TMEM266: variants seen among roughly 807,000 people sequenced by gnomAD.
TMEM266 encodes transmembrane protein 266.
TMEM266 carries 33 observed loss-of-function variants against 50.5 expected under a neutral mutation model. The observed-to-expected ratio is 0.65, with a 90% confidence interval of 0.50 to 0.87. TMEM266 has a LOEUF of 0.87. TMEM266 is among the 40% of genes least tolerant of loss of function. The pLI is 0.00. For synonymous variants in TMEM266, 310 were observed against 292.3 expected (o/e 1.06, Z -0.62); for missense variants, 655 against 695.1 (o/e 0.94, Z 0.65).
intron 7 of TMEM266, among the ~76,000 whole-genome samples, chr15:76,171,537 C>T (rs964084313): frequency 3.3e-5 from 5 of 152,324 alleles, no homozygotes; most frequent in Non-Finnish European, 4.4e-5. Context: ...TGGCTCTATC[C>T]AGGTCATCTA....
At chr15:76,061,085 A>G (rs1456550522) in intron 1 of TMEM266, among the ~76,000 whole-genome samples, 3 of 152,218 alleles carry the variant, frequency 2.0e-5, no homozygotes, top group East Asian at 3.9e-4. Context: ...AATGGGATGT[A>G]TATAACTGCT....
At chr15:76,142,957 A>G (rs1227356883) in intron 3 of TMEM266, among the ~76,000 whole-genome samples, 1 of 152,168 alleles carries the variant, frequency 6.6e-6, no homozygotes, top group East Asian at 1.9e-4. Flanking sequence ...AGTCCTGGTT[A>G]GTCCCAAGGT....
rs534688463 is a variant in TMEM266 at position 76,203,964 on chromosome 15, C to T, written c.1245C>T (p.Arg415=). The T allele has an allele frequency of 5.5e-5, 89 of 1,612,008 alleles. 1 individual carries two copies. The East Asian group carries it at 1.6e-3, about 28-fold the overall frequency. ...CCTCCATGGACTGCAGCACTGCCCG[C>T]GAGGAGCCGTCCTCTGAGCCCGGCC... Residue 415 remains arginine (R), a synonymous_variant, in exon 11 of 11, where the codon CGC becomes CGT. Transcript: ENST00000388942.
At position 76,167,663 on chromosome 15, in the gene TMEM266, G is replaced by A. The variant is rs577303077; in HGVS notation, c.457-2153G>A. 3.3e-5 allele frequency among the ~76,000 whole-genome samples: 5 copies of A among 151,902 alleles called. No individual in the cohort carries two copies. The East Asian group carries it at 7.9e-4, about 24-fold the overall frequency. The stretch of plus-strand genomic sequence containing the variant: ...ATTACAGGTGTGCACCACCACACCC[G>A]GCTAATGATTGTAGTTTTAGTAGAG... On this transcript the variant is annotated intron_variant, in intron 5 of 10. Transcript: ENST00000388942.
intron 1 of TMEM266, among the ~76,000 whole-genome samples, chr15:76,067,609 G>A (rs1309323751): frequency 6.8e-6 from 1 of 146,942 alleles, no homozygotes; most frequent in African/African-American, 2.5e-5. Context: ...CTCCAGCCTG[G>A]GTGACAGAGC....
At chr15:76,112,141 G>A (rs929711559) in intron 1 of TMEM266, 2 of 152,250 alleles carry the variant, frequency 1.3e-5, no homozygotes, top group African/African-American at 4.8e-5. Context: ...GGAGGAGGGA[G>A]GGAGGAATGA....
intron 8 of TMEM266, among the ~76,000 whole-genome samples, chr15:76,177,406 T>C (rs1332088704): frequency 6.6e-6 from 1 of 152,076 alleles, no homozygotes; most frequent in Admixed American, 6.5e-5. Context: ...CCTCTCACAG[T>C]TTTGGGGTGG....
At chr15:76,126,849 T>A (rs576222187) in intron 1 of TMEM266, among the ~76,000 whole-genome samples, 3 of 152,174 alleles carry the variant, frequency 2.0e-5, no homozygotes, top group South Asian at 2.1e-4. Context: ...ATCTTTTTTT[T>A]AAAAGAAAAG....
intron 1 of TMEM266, among the ~76,000 whole-genome samples, chr15:76,096,324 G>T (rs1210558709): frequency 6.6e-6 from 1 of 151,926 alleles, no homozygotes; most frequent in South Asian, 2.1e-4. Flanking sequence ...CGTTCTCATT[G>T]GTTTCAAATA....
chr15:76,098,294 G>A (rs1258235666), intron 1 of TMEM266, among the ~76,000 whole-genome samples: 1 of 151,910 alleles, frequency 6.6e-6, no homozygotes, highest in Non-Finnish European at 1.5e-5. Context: ...TTGGGTGGTT[G>A]TGCTATTCCT....
At position 76,202,194 on chromosome 15, in the gene TMEM266, C is replaced by A. The variant is rs72736856; in HGVS notation, c.959-8C>A. On this transcript the variant is annotated splice_polypyrimidine_tract_variant and splice_region_variant and intron_variant, in intron 9 of 10. Transcript: ENST00000388942. ...TGCACTCACCCTTCTCTGTCCCCAC[C>A]TCTGTAGAAGCCACGATGAAGGACG... 0.029 allele frequency: 47,136 copies of A among 1,611,898 alleles called. 863 individuals are homozygous for A. Among genetic ancestry groups the A allele is most frequent in the Non-Finnish European group, 0.035 (41,014 of 1,178,264 alleles).
At chr15:76,182,864 C>G (rs554396847) in intron 8 of TMEM266, among the ~76,000 whole-genome samples, 1 of 152,198 alleles carries the variant, frequency 6.6e-6, no homozygotes, top group African/African-American at 2.4e-5. Flanking sequence ...AGGAAAGAAA[C>G]CCAGGGCTTC....
intron 1 of TMEM266, among the ~76,000 whole-genome samples, chr15:76,100,522 G>T (rs1252698262): frequency 6.6e-6 from 1 of 152,160 alleles, no homozygotes; most frequent in African/African-American, 2.4e-5. Context: ...GACAGTCTTT[G>T]TCAGATTTTC....
At chr15:76,078,123 G>A (rs868076593) in intron 1 of TMEM266, among the ~76,000 whole-genome samples, 2 of 152,070 alleles carry the variant, frequency 1.3e-5, no homozygotes, top group African/African-American at 2.4e-5. Flanking sequence ...GATTTGCAGC[G>A]AATGTCGCCG....
chr15:76,135,922 C>T (rs915442020), intron 2 of TMEM266, among the ~76,000 whole-genome samples: 3 of 150,280 alleles, frequency 2.0e-5, no homozygotes, highest in African/African-American at 7.3e-5. Flanking sequence ...TCTGAACTTC[C>T]GGGATAACTG....
At chr15:76,154,378 T>C (rs1303569584) in intron 3 of TMEM266, among the ~76,000 whole-genome samples, 1 of 152,148 alleles carries the variant, frequency 6.6e-6, no homozygotes, top group Non-Finnish European at 1.5e-5. Context: ...TTGGCCCCTG[T>C]GTGCCGGCAT....
In TMEM266 at chr15:76,160,561, C is replaced by T. The variant is rs143027511; in HGVS notation, c.456+393C>T. On this transcript the variant is annotated intron_variant, in intron 5 of 10. Transcript: ENST00000388942. This position sits in a 1 kb window ranked among gnomAD's most constrained non-coding sequence, Gnocchi z 5.7. ...CCCACACAGGGAAGCTCTTGGGCCG[C>T]TGTGGCTGTGGTCTTGGGCCCACAG... Among the ~76,000 whole-genome samples, 86 of 152,340 alleles carry T rather than the reference C, an allele frequency of 5.6e-4. No individual in the cohort carries two copies. The Middle Eastern group carries it at 0.01, about 18-fold the overall frequency.
chr15:76,138,403 C>T (rs914492299), intron 3 of TMEM266, among the ~76,000 whole-genome samples: 3 of 152,092 alleles, frequency 2.0e-5, no homozygotes, highest in Non-Finnish European at 4.4e-5. Context: ...ACAGACAATA[C>T]CTGCCAGACG....
chr15:76,119,290 G>A (rs1326336144), intron 1 of TMEM266, among the ~76,000 whole-genome samples: 1 of 150,576 alleles, frequency 6.6e-6, no homozygotes, highest in South Asian at 2.1e-4. Context: ...TTGCCAGCTT[G>A]TAAGTCCTGG....
Sources: allele counts gnomAD v4.1 joint callset (sites outside exome capture counted in the v4.1 genomes callset), GRCh38; gene constraint gnomAD v4.1.1; non-coding constraint Gnocchi (gnomAD v3.1); transcripts MANE v1.5; gene names NCBI Gene and HGNC (gene_info 2026-07-23, HGNC 2026-07-21).